The following USP6NL variants were observed in gnomAD, a reference collection of about 807,000 sequenced individuals.
USP6NL encodes the protein USP6 N-terminal like, also known as USP6 N-terminal-like protein.
In USP6NL, 26 loss-of-function variants were observed where a neutral mutation model predicts 61.9. The observed-to-expected ratio is 0.42, with a 90% CI of 0.31 to 0.58. The LOEUF is 0.58. Ranked by LOEUF, USP6NL falls within the 20% of genes least tolerant of loss-of-function variation. The probability of loss-of-function intolerance (pLI) is 0.16; values close to 1 mark genes in which losing one functional copy is unlikely to be tolerated. For missense variants in USP6NL, 1,114 were observed against 1,034.3 expected (o/e 1.08, Z -1.06); for synonymous variants, 432 against 390.1 (o/e 1.11, Z -1.27).
intron 2 of USP6NL, among the ~76,000 whole-genome samples, chr10:11,550,770 T>C (rs1367140550): frequency 7.1e-6 from 1 of 141,774 alleles, no homozygotes; most frequent in Non-Finnish European, 1.5e-5. Flanking sequence ...AATAAATAAA[T>C]AAAAACAAAA....
intron 14 of USP6NL, among the ~76,000 whole-genome samples, chr10:11,473,086 A>G (rs773274867): frequency 5.9e-5 from 9 of 152,258 alleles, no homozygotes; most frequent in African/African-American, 9.6e-5. Flanking sequence ...CTAAACTGAC[A>G]TACAATAAAA....
rs1287317479 is a variant in USP6NL at position 11,597,552 on chromosome 10, TA to T, written c.4+78del. On this transcript the variant is annotated intron_variant, in intron 2 of 14. Coordinates refer to ENST00000609104, the MANE Select transcript of USP6NL (RefSeq NM_014688.5). This position sits in a 1 kb window ranked among gnomAD's most constrained non-coding sequence, Gnocchi z 4.6. ...AGTGACATAATTCCAATTTATTCAG[TA>T]ACATGTTTTTCTTCTCCTAAGCACA... The T allele has an allele frequency of 2.1e-6, 3 of 1,415,180 alleles. No individual in the cohort carries two copies. In the East Asian group the frequency reaches 7.5e-5, roughly 35 times the overall value. 87.7% of individuals were successfully genotyped at this position (1,415,180 alleles called of 1,614,324 possible).
chr10:11,471,575 C>T (rs1478989556), intron 14 of USP6NL, among the ~76,000 whole-genome samples: 2 of 152,050 alleles, frequency 1.3e-5, no homozygotes, highest in Admixed American at 1.3e-4. Context: ...TGGAACTAAC[C>T]CAAATGTCCA....
At position 11,529,637 on chromosome 10, in the gene USP6NL, G is replaced by A. The variant is rs184268524; in HGVS notation, c.5-2070C>T. Among the ~76,000 whole-genome samples the A allele has an allele frequency of 2.4e-3, 360 of 152,308 alleles. 1 individual carries two copies. The highest frequency in any genetic ancestry group is 8.4e-3 in the African/African-American group (348 of 41,566). On this transcript the variant is annotated intron_variant, in intron 2 of 14. Coordinates refer to ENST00000609104, the MANE Select transcript of USP6NL (RefSeq NM_014688.5). ...GATTCAATAAAATAAAAATACAGAT[G>A]AGTTGTTCAGATTTTCACCATGAAT...
Position 11,525,319 on chromosome 10 carries a change from T to C in USP6NL, c.155+67A>G. ...GCAATTATATTAAAAATAAAGAAAATCAATATAATAGGTGACCACAGAAAC... is the reference window on the plus strand; with the variant it reads ...GCAATTATATTAAAAATAAAGAAAACCAATATAATAGGTGACCACAGAAAC... On this transcript the variant is annotated intron_variant, in intron 4 of 14. Coordinates refer to ENST00000609104, the MANE Select transcript of USP6NL (RefSeq NM_014688.5). This position sits in a 1 kb window ranked among gnomAD's most constrained non-coding sequence, Gnocchi z 5.0. The C allele has an allele frequency of 7.8e-7, 1 of 1,282,470 alleles. No homozygotes were observed. The highest frequency in any genetic ancestry group is 2.5e-5 in the East Asian group (1 of 39,346). The allele number at this position is 1,282,470 out of a possible 1,614,324, so 79.4% of individuals were successfully genotyped here.
chr10:11,494,925 G>A (rs1040697739), intron 7 of USP6NL, among the ~76,000 whole-genome samples: 4 of 152,238 alleles, frequency 2.6e-5, no homozygotes, highest in Admixed American at 2.0e-4. Context: ...GATAACTGCA[G>A]GCGAGCCTGA....
At chr10:11,610,257 C>T (rs970448367) in intron 1 of USP6NL, among the ~76,000 whole-genome samples, 4 of 152,074 alleles carry the variant, frequency 2.6e-5, no homozygotes, top group South Asian at 2.1e-4. Flanking sequence ...ATGAACTACA[C>T]TATGTTTACA....
chr10:11,563,453 C>T (rs1455771183), intron 2 of USP6NL: 1 of 152,042 alleles, frequency 6.6e-6, no homozygotes. Flanking sequence ...ACACCACACA[C>T]ATGCATGTAA....
intron 2 of USP6NL, among the ~76,000 whole-genome samples, chr10:11,558,861 C>T (rs1303905426): frequency 1.3e-5 from 2 of 148,726 alleles, no homozygotes; most frequent in African/African-American, 2.5e-5. Flanking sequence ...GGAAGTATAA[C>T]TACAACTAAC....
intron 2 of USP6NL, among the ~76,000 whole-genome samples, chr10:11,533,439 T>G (rs1432584595): frequency 2.6e-5 from 4 of 152,198 alleles, no homozygotes; most frequent in Admixed American, 2.0e-4. Flanking sequence ...TGATTACAGA[T>G]GTAATTCAGC....
At chr10:11,529,805 G>A (rs973910198) in intron 2 of USP6NL, among the ~76,000 whole-genome samples, 1 of 152,090 alleles carries the variant, frequency 6.6e-6, no homozygotes, top group Non-Finnish European at 1.5e-5. Flanking sequence ...CCAAAGCATA[G>A]GGAAAGCAAA....
rs147656553 is a variant in USP6NL, at chr10:11,610,925, A to G, written c.-84+518T>C. Among the ~76,000 whole-genome samples the G allele has an allele frequency of 3.9e-5, 6 of 152,234 alleles. No individual in the cohort carries two copies. In the East Asian group the frequency reaches 1.2e-3, roughly 29 times the overall value. ...GCACCAGCCTAGGGTTGTGAGCGCC[A>G]AACTATTTTGCAAACTTTGCAAAGG... On this transcript the variant is annotated intron_variant, in intron 1 of 14. Transcript: ENST00000609104.
At chr10:11,568,149 T>TTGTGTGTGTGTG (rs35053647) in intron 2 of USP6NL, among the ~76,000 whole-genome samples, 13 of 149,708 alleles carry the variant, frequency 8.7e-5, no homozygotes, top group Non-Finnish European at 1.5e-4. Context: ...CGGGAGGTAG[T>TTGTGTGTGTGTG]TGTGTGTGTG....
chr10:11,495,514 T>C lies in USP6NL; in HGVS notation c.385-2286A>G, dbSNP rs1317833719. 1.3e-5 allele frequency among the ~76,000 whole-genome samples: 2 copies of C among 152,156 alleles called. No individual in the cohort carries two copies. Among genetic ancestry groups the C allele is most frequent in the African/African-American group, 4.8e-5 (2 of 41,442 alleles). ...CTCCTAGGCTATCATCTAATTTTCT[T>C]GTATTTTTCTGTATTATTTTACATC... On this transcript the variant is annotated intron_variant, in intron 7 of 14. Transcript: ENST00000609104. This position sits in a 1 kb window ranked among gnomAD's most constrained non-coding sequence, Gnocchi z 4.6.
At chr10:11,538,467 G>A (rs1380951565) in intron 2 of USP6NL, among the ~76,000 whole-genome samples, 1 of 152,152 alleles carries the variant, frequency 6.6e-6, no homozygotes, top group Non-Finnish European at 1.5e-5. Context: ...CCATCCTGGT[G>A]TCTCTGGTAT....
Position 11,499,983 on chromosome 10 carries a change from A to G in USP6NL, c.384+1118T>C, listed in dbSNP as rs892341075. On this transcript the variant is annotated intron_variant, in intron 7 of 14. Transcript: ENST00000609104. This position sits in a 1 kb window ranked among gnomAD's most constrained non-coding sequence, Gnocchi z 4.5. ...GTACTAGGTGCTGGGGTTATATTTCATATTATGTTCTCTCAGACATCATGT... is the reference window on the plus strand; with the variant it reads ...GTACTAGGTGCTGGGGTTATATTTCGTATTATGTTCTCTCAGACATCATGT... Among the ~76,000 whole-genome samples the G allele has an allele frequency of 2.6e-5, 4 of 152,238 alleles. No homozygotes were observed.
chr10:11,500,785 A>G (rs536607231), intron 7 of USP6NL, among the ~76,000 whole-genome samples: 1 of 152,326 alleles, frequency 6.6e-6, no homozygotes, highest in Non-Finnish European at 1.5e-5. Context: ...AGCAGCTATA[A>G]TTAGGTGTTA....
Position 11,481,002 on chromosome 10 carries a change from C to T in USP6NL, c.1078+768G>A, listed in dbSNP as rs572792295. Reference sequence around the variant, plus strand: ...TTTCGACATTTTCATTTTCTTCCCTCCCTTCCTGCACTCCCCTTCTTCTGC... The same window carrying T: ...TTTCGACATTTTCATTTTCTTCCCTTCCTTCCTGCACTCCCCTTCTTCTGC... On this transcript the variant is annotated intron_variant, in intron 14 of 14. Transcript: ENST00000609104. The surrounding 1 kb of genome is among the most constrained non-coding windows in gnomAD (Gnocchi z 4.4). 3.9e-5 allele frequency among the ~76,000 whole-genome samples: 6 copies of T among 152,318 alleles called. No homozygotes were observed. Among genetic ancestry groups the T allele is most frequent in the Admixed American group, 3.9e-4 (6 of 15,304 alleles).
intron 5 of USP6NL, 122 bp from the exon 6 acceptor site, chr10:11,509,797 T>C (rs1305108471): frequency 1.3e-5 from 10 of 751,656 alleles, no homozygotes; most frequent in Non-Finnish European, 2.1e-5. Context: ...TTAGCAGATA[T>C]CCTAACTTGT....
Sources: allele counts gnomAD v4.1 joint callset (sites outside exome capture counted in the v4.1 genomes callset), GRCh38; gene constraint gnomAD v4.1.1; non-coding constraint Gnocchi (gnomAD v3.1); transcripts MANE v1.5; gene names NCBI Gene and HGNC (gene_info 2026-07-23, HGNC 2026-07-21).